Variants in LARGE1 observed in about 807,000 individuals in gnomAD.
LARGE1 encodes the protein xylosyl- and glucuronyltransferase LARGE1.
Under a neutral mutation model 87.6 loss-of-function variants are expected in LARGE1, and 43 were observed. The observed-to-expected ratio is 0.49, with a 90% CI of 0.38 to 0.63. LARGE1 has a LOEUF of 0.63. Ranked by LOEUF, LARGE1 falls within the 30% of genes least tolerant of loss-of-function variation. LARGE1 has a pLI of 0.00. For missense variants in LARGE1, 802 were observed against 1,000.2 expected (o/e 0.80, Z 2.67); for synonymous variants, 434 against 394.6 (o/e 1.10, Z -1.18).
At chr22:33,095,662 A>G in the LARGE1 span, among the ~76,000 whole-genome samples, 4 of 152,310 alleles carry the variant, frequency 2.6e-5, no homozygotes, top group East Asian at 5.8e-4. Context: ...TGAAGGAATA[A>G]ATGAAAGAAG....
chr22:33,815,630 T>G (rs2086626876), intron 1 of LARGE1, among the ~76,000 whole-genome samples: 1 of 152,188 alleles, frequency 6.6e-6, no homozygotes, highest in Non-Finnish European at 1.5e-5. Context: ...AACATCTGTC[T>G]ATCAACCCAG....
chr22:33,822,211 C>A (rs2086847359), intron 1 of LARGE1, among the ~76,000 whole-genome samples: 1 of 152,108 alleles, frequency 6.6e-6, no homozygotes, highest in African/African-American at 2.4e-5. Flanking sequence ...TCAGCCCTAC[C>A]CTATGCCATG....
At chr22:33,771,213 T>C (rs568774907) in intron 1 of LARGE1, among the ~76,000 whole-genome samples, 1 of 151,472 alleles carries the variant, frequency 6.6e-6, no homozygotes, top group South Asian at 2.1e-4. Context: ...TCAGCGTAGA[T>C]GCTGCCACGG....
rs565040102 is a variant in LARGE1 at position 33,471,058 on chromosome 22, C to T, written c.788-38793G>A. On this transcript the variant is annotated intron_variant, in intron 6 of 14. Transcript: ENST00000397394. ...TTTTTTTTTTTTTTTGAGAGAGTCT[C>T]GCTTTGACTCCTAGGCTGGAGTAAG... Among the ~76,000 whole-genome samples, 14 of 136,714 alleles carry T rather than the reference C, an allele frequency of 1.0e-4. 1 individual carries two copies. In the South Asian group the frequency reaches 2.8e-3, roughly 27 times the overall value. The allele number at this position is 136,714 out of a possible 152,430, so 89.7% of individuals were successfully genotyped here. A position where few individuals can be genotyped will look rare whatever the true frequency, so the allele number is the denominator to read the frequency against.
intron 12 of LARGE1, among the ~76,000 whole-genome samples, chr22:33,303,514 GCAT>G (rs1183082509): frequency 1.3e-5 from 2 of 152,182 alleles, no homozygotes; most frequent in Admixed American, 1.3e-4. Flanking sequence ...TAAGCACTAG[GCAT>G]CATCATCACT....
intron 5 of LARGE1, among the ~76,000 whole-genome samples, chr22:33,585,078 C>T (rs1371392280): frequency 6.6e-6 from 1 of 152,218 alleles, no homozygotes; most frequent in Non-Finnish European, 1.5e-5. Context: ...GATCGCACCA[C>T]TGCATTCCAG....
the LARGE1 span, among the ~76,000 whole-genome samples, chr22:33,075,667 C>A: frequency 6.6e-6 from 1 of 152,272 alleles, no homozygotes; most frequent in South Asian, 2.1e-4. Flanking sequence ...CTTATTTACT[C>A]AATGAAGACT....
the LARGE1 span, among the ~76,000 whole-genome samples, chr22:33,133,136 C>G: frequency 6.6e-6 from 1 of 152,264 alleles, no homozygotes; most frequent in East Asian, 1.9e-4. Flanking sequence ...AGAAAATTTA[C>G]TGGGTCCTGT....
At chr22:33,521,021 C>A (rs572285597) in intron 6 of LARGE1, among the ~76,000 whole-genome samples, 1 of 152,318 alleles carries the variant, frequency 6.6e-6, no homozygotes, top group Middle Eastern at 3.4e-3. Flanking sequence ...CAGTCCCCAG[C>A]GCTTGCCAAA....
Position 33,274,487 on chromosome 22 carries a change from G to A in LARGE1, c.2211C>T (p.Asp737=). The part of the protein sequence containing the change: ...LKTLKEEFQQ[D]MSRRYGFAAL... ...CAGCAAAGCCGTAGCGGCGGGACATGTCCTGCTGAAACTCTTCCTTGAGGG... is the reference window on the plus strand; with the variant it reads ...CAGCAAAGCCGTAGCGGCGGGACATATCCTGCTGAAACTCTTCCTTGAGGG... The change falls in exon 15 of 15, where the codon GAC becomes GAT. Residue 737 remains aspartate, a synonymous_variant. Transcript: ENST00000397394. The A allele has an allele frequency of 6.2e-7, 1 of 1,614,140 alleles. No individual in the cohort carries two copies.
At chr22:33,622,380 C>T (rs569037512) in intron 4 of LARGE1, among the ~76,000 whole-genome samples, 25 of 152,212 alleles carry the variant, frequency 1.6e-4, no homozygotes, top group Admixed American at 6.5e-4. Flanking sequence ...CTTCACCTTC[C>T]GCCATGATTA....
intron 2 of LARGE1, among the ~76,000 whole-genome samples, chr22:33,751,496 A>C (rs910437071): frequency 1.3e-5 from 2 of 151,780 alleles, no homozygotes; most frequent in Non-Finnish European, 2.9e-5. Flanking sequence ...AAAAAAAAAA[A>C]ACAAAAACAA....
intron 5 of LARGE1, 63 bp from the exon 6 acceptor site, chr22:33,565,082 T>C: frequency 6.8e-7 from 1 of 1,465,096 alleles, no homozygotes; most frequent in Non-Finnish European, 9.6e-7. Flanking sequence ...TATTAATTCT[T>C]TGCTTAAACA....
chr22:33,303,486 G>A (rs754231240), intron 12 of LARGE1, among the ~76,000 whole-genome samples: 15 of 152,160 alleles, frequency 9.9e-5, no homozygotes, highest in Non-Finnish European at 1.8e-4. Flanking sequence ...AGTGCCTGGC[G>A]CGCAGCAAAC....
intron 11 of LARGE1, 62 bp from the exon 12 acceptor site, chr22:33,304,569 C>G: frequency 2.0e-6 from 3 of 1,485,456 alleles, no homozygotes. Context: ...TCCGCCGGGC[C>G]TGTTGTGGGG....
At chr22:33,727,019 A>G (rs1334356831) in intron 2 of LARGE1, among the ~76,000 whole-genome samples, 1 of 152,230 alleles carries the variant, frequency 6.6e-6, no homozygotes, top group African/African-American at 2.4e-5. Flanking sequence ...AAAGCCGGGT[A>G]GGGAGAATCA....
chr22:33,679,560 A>AG lies in LARGE1; in HGVS notation c.107-28893dup, dbSNP rs545207523. ...AAAGAACTATCAGAAGTTAGGAGAA[A>AG]GGCCAGGTACGGTGGTTCACACCTG... On this transcript the variant is annotated intron_variant, in intron 2 of 14. Transcript: ENST00000397394. Among the ~76,000 whole-genome samples the AG allele has an allele frequency of 3.3e-5, 5 of 152,234 alleles. No individual in the cohort carries two copies. In the South Asian group the frequency reaches 1.0e-3, roughly 32 times the overall value.
intron 2 of LARGE1, among the ~76,000 whole-genome samples, chr22:33,718,428 C>T (rs2082976468): frequency 6.6e-6 from 1 of 152,216 alleles, no homozygotes; most frequent in Non-Finnish European, 1.5e-5. Context: ...GGACAGGAGG[C>T]TTTTTAGAGG....
intron 6 of LARGE1, among the ~76,000 whole-genome samples, chr22:33,492,420 C>T (rs1478883497): frequency 6.6e-6 from 1 of 152,210 alleles, no homozygotes; most frequent in Admixed American, 6.5e-5. Flanking sequence ...ACCTCCTGGG[C>T]ACCACACTTT....
Sources: allele counts gnomAD v4.1 joint callset (sites outside exome capture counted in the v4.1 genomes callset), GRCh38; gene constraint gnomAD v4.1.1; transcripts MANE v1.5; gene names NCBI Gene and HGNC (gene_info 2026-07-23, HGNC 2026-07-21).